GPHN: variants seen among roughly 807,000 people sequenced by gnomAD.
GPHN encodes the protein gephyrin.
GPHN carries 17 observed loss-of-function variants against 95.5 expected under a neutral mutation model. The ratio of observed to expected loss-of-function variants is 0.18; its 90% CI spans 0.12 to 0.27. GPHN has a LOEUF of 0.27. GPHN is among the 10% of genes least tolerant of loss of function. GPHN has a pLI of 1.00. For synonymous variants in GPHN, 320 were observed against 322.5 expected, an observed-to-expected ratio of 0.99 and a Z score of 0.08; for missense variants, 660 against 978.1, an observed-to-expected ratio of 0.67 and a Z score of 4.34.
downstream of GPHN, among the ~76,000 whole-genome samples, chr14:67,184,072 A>G (rs920888696): frequency 1.3e-5 from 2 of 151,886 alleles, no homozygotes; most frequent in African/African-American, 2.4e-5. Flanking sequence ...TGATCCGCCC[A>G]TCTCAGCCTC....
the GPHN span, among the ~76,000 whole-genome samples, chr14:67,652,788 T>C: frequency 6.6e-6 from 1 of 152,204 alleles, no homozygotes; most frequent in Non-Finnish European, 1.5e-5. Flanking sequence ...ATCAAGATTT[T>C]ACAAATATAT....
Position 66,951,487 on chromosome 14 carries a change from G to T in GPHN, c.829-13704G>T, listed in dbSNP as rs112946690. On this transcript the variant is annotated intron_variant, in intron 8 of 22. Transcript: ENST00000478722. The stretch of plus-strand genomic sequence containing the variant: ...GCCAAGATCGCACCACTGCACTCCA[G>T]CCTGGCAACAGAACAAAACTTCATC... Among the ~76,000 whole-genome samples, 450 of 146,460 alleles carry T rather than the reference G, an allele frequency of 3.1e-3. 9 individuals are homozygous for T. Among genetic ancestry groups the T allele is most frequent in the African/African-American group, 0.011 (426 of 39,408 alleles).
rs116108652 is a variant in GPHN, at chr14:66,595,451, A to G, written c.65-85656A>G. On this transcript the variant is annotated intron_variant, in intron 1 of 22. Transcript: ENST00000478722. ...TGGGCCTGCTTGGCTTGTTCTGCCTACTCTGCCTGGCAGGATACACTCTGC... is the reference window on the plus strand; with the variant it reads ...TGGGCCTGCTTGGCTTGTTCTGCCTGCTCTGCCTGGCAGGATACACTCTGC... Among the ~76,000 whole-genome samples, 86 of 152,110 alleles carry G rather than the reference A, an allele frequency of 5.7e-4. 3 individuals carry two copies. The highest frequency in any genetic ancestry group is 2.0e-3 in the African/African-American group (84 of 41,506).
the GPHN span, among the ~76,000 whole-genome samples, chr14:67,609,400 C>G: frequency 6.6e-6 from 1 of 152,300 alleles, no homozygotes; most frequent in South Asian, 2.1e-4. Context: ...GGTGCACCGC[C>G]TTCCCTGTAC....
intron 22 of GPHN, 34 bp from the exon 23 acceptor site, chr14:67,180,770 C>A (rs2083289525): frequency 1.2e-6 from 2 of 1,608,364 alleles, no homozygotes; most frequent in East Asian, 4.5e-5. Flanking sequence ...CGCCATGATG[C>A]TTATGCTGCT....
At chr14:67,091,564 G>A (rs918765488) in intron 12 of GPHN, among the ~76,000 whole-genome samples, 1 of 151,884 alleles carries the variant, frequency 6.6e-6, no homozygotes, top group African/African-American at 2.4e-5. Flanking sequence ...AGACAAAGAA[G>A]TCTGTTTTTT....
chr14:67,001,276 T>G (rs1429293526), intron 9 of GPHN, among the ~76,000 whole-genome samples: 3 of 151,608 alleles, frequency 2.0e-5, no homozygotes, highest in Non-Finnish European at 4.4e-5. Flanking sequence ...TAAATTTTCT[T>G]TCCTATGTTC....
chr14:67,419,236 C>T, the GPHN span, among the ~76,000 whole-genome samples: 2 of 152,086 alleles, frequency 1.3e-5, no homozygotes, highest in African/African-American at 4.8e-5. Flanking sequence ...AAGAGAGGGG[C>T]AGAACCTTGG....
the GPHN span, among the ~76,000 whole-genome samples, chr14:67,542,312 G>T: frequency 1.3e-5 from 2 of 152,172 alleles, no homozygotes; most frequent in African/African-American, 4.8e-5. Context: ...CTCAGTGTGG[G>T]GAAGGACGGT....
At chr14:67,193,565 C>CTA in the GPHN span, among the ~76,000 whole-genome samples, 2 of 138,540 alleles carry the variant, frequency 1.4e-5, no homozygotes, top group South Asian at 2.3e-4. Context: ...AGATCTATAT[C>CTA]TATATAGATC....
chr14:66,839,498 A>C (rs1596095631), intron 4 of GPHN, among the ~76,000 whole-genome samples: 1 of 152,306 alleles, frequency 6.6e-6, no homozygotes, highest in East Asian at 1.9e-4. Flanking sequence ...TTTGATTAGG[A>C]GGTGCTTCTG....
At chr14:66,977,887 C>T (rs1242871283) in intron 9 of GPHN, among the ~76,000 whole-genome samples, 1 of 152,082 alleles carries the variant, frequency 6.6e-6, no homozygotes, top group Non-Finnish European at 1.5e-5. Context: ...TTAATAAAGC[C>T]AACTAGAGTT....
intron 10 of GPHN, among the ~76,000 whole-genome samples, chr14:67,030,518 C>G (rs2074144450): frequency 6.6e-6 from 1 of 152,156 alleles, no homozygotes; most frequent in Non-Finnish European, 1.5e-5. Flanking sequence ...GCCATATGAA[C>G]ATTTCAATTT....
the GPHN span, among the ~76,000 whole-genome samples, chr14:67,192,059 T>C: frequency 4.7e-4 from 72 of 152,188 alleles, no homozygotes; most frequent in African/African-American, 1.7e-3. Flanking sequence ...AACGAGCTCA[T>C]CCATCTCAAA....
chr14:67,055,058 G>A (rs769219263), intron 10 of GPHN, among the ~76,000 whole-genome samples: 5 of 152,068 alleles, frequency 3.3e-5, no homozygotes, highest in East Asian at 1.9e-4. Context: ...TGACAAAAAC[G>A]TCAAAAGCAA....
the GPHN span, among the ~76,000 whole-genome samples, chr14:67,529,334 A>G: frequency 2.0e-5 from 3 of 152,180 alleles, no homozygotes; most frequent in Non-Finnish European, 4.4e-5. Context: ...CCTGGGTGGA[A>G]GAGCCAGGAT....
intron 7 of GPHN, among the ~76,000 whole-genome samples, chr14:66,923,734 A>T (rs1026071298): frequency 1.3e-5 from 2 of 152,132 alleles, no homozygotes; most frequent in African/African-American, 4.8e-5. Context: ...TTTAATTGCT[A>T]TATGACATAA....
At chr14:67,396,454 A>G in the GPHN span, among the ~76,000 whole-genome samples, 23 of 151,664 alleles carry the variant, frequency 1.5e-4, no homozygotes, top group Admixed American at 1.5e-3. Flanking sequence ...GGCCTCTAAG[A>G]GAGTTTTCAT....
intron 1 of GPHN, among the ~76,000 whole-genome samples, chr14:66,545,816 G>A (rs1460778412): frequency 3.5e-4 from 48 of 138,842 alleles, no homozygotes; most frequent in African/African-American, 1.3e-3. Context: ...GCGGCTGGGC[G>A]GAGGCTCCCC....
Sources: gnomAD v4.1 joint callset for allele counts (sites outside exome capture counted in the v4.1 genomes callset) on GRCh38, gnomAD v4.1.1 for gene constraint, MANE v1.5 for transcripts, NCBI Gene and HGNC (gene_info 2026-07-23, HGNC 2026-07-21) for gene names.